LAMA2: variants seen among roughly 807,000 people sequenced by gnomAD.
LAMA2 encodes the protein laminin subunit alpha-2.
Under a neutral mutation model 364.8 loss-of-function variants are expected in LAMA2, and 269 were observed. The ratio of observed to expected loss-of-function variants is 0.74; its 90% confidence interval spans 0.67 to 0.82. The LOEUF (loss-of-function observed/expected upper bound fraction) is 0.82. LAMA2 is among the 40% of genes least tolerant of loss of function. The probability of loss-of-function intolerance (pLI) is 0.00; values close to 1 mark genes in which losing one functional copy is unlikely to be tolerated. For synonymous variants in LAMA2, 1,379 were observed against 1,370.6 expected, an observed-to-expected ratio of 1.01 and a Z score of -0.14; for missense variants, 3,807 against 3,873.2, an observed-to-expected ratio of 0.98 and a Z score of 0.45.
At chr6:129,218,436 T>C (rs1783566237) in intron 12 of LAMA2, among the ~76,000 whole-genome samples, 1 of 152,174 alleles carries the variant, frequency 6.6e-6, no homozygotes, top group Non-Finnish European at 1.5e-5. Context: ...TATAAAGCTG[T>C]TCCTGAGAAT....
chr6:129,037,024 C>T lies in LAMA2; in HGVS notation c.113-12894C>T, dbSNP rs192896133. 4.1e-4 allele frequency among the ~76,000 whole-genome samples: 62 copies of T among 152,342 alleles called. 1 individual carries two copies. The highest frequency in any genetic ancestry group is 7.9e-4 in the Non-Finnish European group (54 of 68,028). On this transcript the variant is annotated intron_variant, in intron 1 of 64. Transcript: ENST00000421865. ...TGTTTTATACCAATATGCTCTGACACACCCACATAGCTCAGGATTTCAGCA... is the reference window on the plus strand; with the variant it reads ...TGTTTTATACCAATATGCTCTGACATACCCACATAGCTCAGGATTTCAGCA...
chr6:128,988,675 T>C (rs1348026795), intron 1 of LAMA2, among the ~76,000 whole-genome samples: 10 of 152,226 alleles, frequency 6.6e-5, no homozygotes, highest in Non-Finnish European at 1.2e-4. Context: ...CTTTGAGTTT[T>C]AAAAATCATG....
intron 4 of LAMA2, among the ~76,000 whole-genome samples, chr6:129,128,174 A>G (rs1444911107): frequency 2.0e-5 from 3 of 152,146 alleles, no homozygotes; most frequent in Admixed American, 6.5e-5. Context: ...TGAGTTTTGT[A>G]TATGATGTGA....
intron 45 of LAMA2, among the ~76,000 whole-genome samples, chr6:129,447,445 G>A (rs1782445836): frequency 6.6e-6 from 1 of 152,172 alleles, no homozygotes; most frequent in Admixed American, 6.5e-5. Flanking sequence ...AGTGGGAGAA[G>A]GAAGTTTTAG....
chr6:129,252,434 TC>T (rs1786329418), intron 14 of LAMA2, 139 bp downstream of exon 14: 1 of 672,980 alleles, frequency 1.5e-6, no homozygotes, highest in Admixed American at 2.4e-5. Context: ...GCCCTAGTTT[TC>T]TGAAAGATTT....
intron 1 of LAMA2, chr6:128,929,243 T>A (rs1013489225): frequency 1.2e-4 from 174 of 1,468,088 alleles, no homozygotes; most frequent in Non-Finnish European, 1.6e-4. Context: ...ATTGATGTAC[T>A]GTAAGAGACC....
At chr6:128,949,315 C>T (rs529430311) in intron 1 of LAMA2, among the ~76,000 whole-genome samples, 2 of 152,222 alleles carry the variant, frequency 1.3e-5, no homozygotes, top group East Asian at 1.9e-4. Flanking sequence ...CCAAATAATA[C>T]AGCCACCCAC....
intron 4 of LAMA2, among the ~76,000 whole-genome samples, chr6:129,119,179 G>C (rs922283782): frequency 6.6e-6 from 1 of 152,058 alleles, no homozygotes; most frequent in Non-Finnish European, 1.5e-5. Context: ...ATATTACATA[G>C]TTCTTGTTTT....
chr6:129,252,372 A>AT, intron 14 of LAMA2, 77 bp downstream of exon 14: 1 of 1,051,882 alleles, frequency 9.5e-7, no homozygotes, highest in South Asian at 1.3e-5. Context: ...CCAGGAGTGA[A>AT]TTTTTTAAGG....
Position 129,475,370 on chromosome 6 carries a change from T to A in LAMA2, c.7440-20T>A. On this transcript the variant is annotated intron_variant, in intron 52 of 64. Coordinates refer to ENST00000421865, the MANE Select transcript of LAMA2 (RefSeq NM_000426.4). ...ATTGTTTTTATTTTTGTTTTTTTTT[T>A]CCTCTTTCCCGTTATCTAGTATGAA... 1 of 1,422,516 alleles carries A rather than the reference T, an allele frequency of 7.0e-7. No individual in the cohort carries two copies. Among genetic ancestry groups the A allele is most frequent in the Non-Finnish European group, 9.7e-7 (1 of 1,025,798 alleles). The allele number at this position is 1,422,516 out of a possible 1,614,324, so 88.1% of individuals were successfully genotyped here. A position where few individuals can be genotyped will look rare whatever the true frequency, so the allele number is the denominator to read the frequency against.
chr6:129,475,807 G>A (rs1784041644), intron 53 of LAMA2, among the ~76,000 whole-genome samples: 1 of 152,096 alleles, frequency 6.6e-6, no homozygotes, highest in African/African-American at 2.4e-5. Flanking sequence ...CTAGTGCCAT[G>A]CTGTCTGCTG....
intron 33 of LAMA2, among the ~76,000 whole-genome samples, chr6:129,366,837 C>T (rs1195617321): frequency 5.3e-5 from 8 of 152,160 alleles, no homozygotes; most frequent in Admixed American, 5.2e-4. Context: ...ATTTCTCCTA[C>T]CTTACCACAT....
chr6:129,483,984 A>G lies in LAMA2; in HGVS notation c.7750-2490A>G, dbSNP rs76367994. Among the ~76,000 whole-genome samples, 1,333 of 152,364 alleles carry G rather than the reference A, an allele frequency of 8.7e-3. 20 individuals are homozygous for G. The highest frequency in any genetic ancestry group is 0.029 in the African/African-American group (1,186 of 41,592). On this transcript the variant is annotated intron_variant, in intron 55 of 64. Coordinates refer to ENST00000421865, the MANE Select transcript of LAMA2 (RefSeq NM_000426.4). The stretch of plus-strand genomic sequence containing the variant: ...TAAATTCACAATAAATTAAAGTCTT[A>G]AATATGGAAGGACAAAAATCTTTAA...
chr6:128,993,046 C>T (rs1028248175), intron 1 of LAMA2, among the ~76,000 whole-genome samples: 2 of 152,162 alleles, frequency 1.3e-5, no homozygotes, highest in African/African-American at 4.8e-5. Flanking sequence ...AATTTCTCCT[C>T]CCATCAATGA....
intron 23 of LAMA2, among the ~76,000 whole-genome samples, chr6:129,314,167 G>A (rs1276133775): frequency 1.3e-5 from 2 of 152,062 alleles, no homozygotes; most frequent in African/African-American, 2.4e-5. Flanking sequence ...TTGGGAGGCC[G>A]AGGCGGGCGG....
At chr6:128,913,215 T>A (rs536847945) in intron 1 of LAMA2, among the ~76,000 whole-genome samples, 2 of 152,296 alleles carry the variant, frequency 1.3e-5, no homozygotes, top group Admixed American at 6.5e-5. Flanking sequence ...GTGAGAAAGA[T>A]CATTAGCGCA....
chr6:129,473,154 T>C, intron 51 of LAMA2, 60 bp from the exon 52 acceptor site: 1 of 1,320,058 alleles, frequency 7.6e-7, no homozygotes, highest in Non-Finnish European at 1.1e-6. Context: ...GTATTAATGA[T>C]GATATAGATG....
At chr6:129,268,104 G>T (rs959127075) in intron 16 of LAMA2, among the ~76,000 whole-genome samples, 1 of 151,968 alleles carries the variant, frequency 6.6e-6, no homozygotes, top group Admixed American at 6.6e-5. Context: ...CTACTTAAAA[G>T]CTTCTGGGAA....
intron 12 of LAMA2, among the ~76,000 whole-genome samples, chr6:129,240,798 T>C (rs541757158): frequency 3.9e-5 from 6 of 152,348 alleles, no homozygotes; most frequent in Admixed American, 3.9e-4. Flanking sequence ...TACTAGGTGC[T>C]AGAATTTACA....
Sources: gnomAD v4.1 joint callset for allele counts (sites outside exome capture counted in the v4.1 genomes callset) on GRCh38, gnomAD v4.1.1 for gene constraint, MANE v1.5 for transcripts, NCBI Gene and HGNC (gene_info 2026-07-23, HGNC 2026-07-21) for gene names.